RERE: variants seen among roughly 807,000 people sequenced by gnomAD.
The protein encoded by RERE is arginine-glutamic acid dipeptide repeats protein.
A neutral mutation model predicts 146.1 loss-of-function variants in RERE; 40 were observed. The observed-to-expected ratio is 0.27, with a 90% CI of 0.21 to 0.36. The LOEUF (loss-of-function observed/expected upper bound fraction) is 0.36, where lower values mean the gene tolerates loss of function less well. Ranked by LOEUF, RERE falls within the 10% of genes least tolerant of loss-of-function variation. RERE has a pLI of 1.00. For missense variants in RERE, 1,933 were observed against 2,138.7 expected (o/e 0.90, Z 1.90); for synonymous variants, 1,003 against 866.0 (o/e 1.16, Z -2.78).
chr1:8,773,881 ACAGT>A (rs1329707610), intron 1 of RERE, among the ~76,000 whole-genome samples: 1 of 152,236 alleles, frequency 6.6e-6, no homozygotes, highest in East Asian at 1.9e-4. Flanking sequence ...GACATCAATG[ACAGT>A]CAAAGACAAT....
chr1:8,588,516 G>C (rs1646454695), intron 4 of RERE, among the ~76,000 whole-genome samples: 1 of 152,088 alleles, frequency 6.6e-6, no homozygotes, highest in Non-Finnish European at 1.5e-5. Flanking sequence ...ACTCTATGAG[G>C]AGTGACCCCC....
chr1:8,383,184 G>C (rs1642515711), intron 12 of RERE, among the ~76,000 whole-genome samples: 1 of 151,750 alleles, frequency 6.6e-6, no homozygotes, highest in East Asian at 1.9e-4. Context: ...ATAAGCGCTG[G>C]TCAAGGAGAA....
At chr1:8,480,143 GTTTT>G (rs375571417) in intron 10 of RERE, among the ~76,000 whole-genome samples, 1 of 105,426 alleles carries the variant, frequency 9.5e-6, no homozygotes, top group Non-Finnish European at 1.9e-5. Flanking sequence ...TTTTTTTTTT[GTTTT>G]TTTTTTTTTT....
At chr1:8,496,077 G>A (rs556416109) in intron 9 of RERE, among the ~76,000 whole-genome samples, 4 of 149,638 alleles carry the variant, frequency 2.7e-5, no homozygotes, top group African/African-American at 9.9e-5. Flanking sequence ...GTGGGAGGAT[G>A]ACTTGAGCCC....
At chr1:8,397,600 A>C (rs971099071) in intron 12 of RERE, among the ~76,000 whole-genome samples, 6 of 152,086 alleles carry the variant, frequency 3.9e-5, no homozygotes, top group African/African-American at 9.7e-5. Context: ...AAAAAAAAAA[A>C]AAACACATGA....
intron 11 of RERE, among the ~76,000 whole-genome samples, chr1:8,454,250 A>C (rs1298216919): frequency 6.6e-6 from 1 of 152,268 alleles, no homozygotes; most frequent in African/African-American, 2.4e-5. Context: ...CAGAACTTTC[A>C]GTAACAAAAG....
rs112226688 is a variant in RERE at position 8,806,258 on chromosome 1, G to A, written c.-145+10902C>T. On this transcript the variant is annotated intron_variant, in intron 1 of 22. Coordinates refer to ENST00000400908, the MANE Select transcript of RERE (RefSeq NM_001042681.2). ...TATCAATAATTTTTTGGCCAGGCAC[G>A]GTGGCTCACACCTATAATCCCCCAG... is the stretch of plus-strand genomic sequence containing the variant. 5.5e-4 allele frequency among the ~76,000 whole-genome samples: 84 copies of A among 152,162 alleles called. 1 individual carries two copies. The South Asian group carries it at 0.016, about 30-fold the overall frequency.
At chr1:8,618,454 A>G (rs1276270480) in intron 3 of RERE, among the ~76,000 whole-genome samples, 2 of 152,182 alleles carry the variant, frequency 1.3e-5, no homozygotes, top group Admixed American at 1.3e-4. Flanking sequence ...CAATCCCAGA[A>G]TAACAGATCC....
intron 1 of RERE, among the ~76,000 whole-genome samples, chr1:8,763,982 G>A (rs1307251835): frequency 6.6e-6 from 1 of 151,494 alleles, no homozygotes; most frequent in Non-Finnish European, 1.5e-5. Flanking sequence ...AGGAAGTGAA[G>A]GTGCTAGTTG....
intron 11 of RERE, among the ~76,000 whole-genome samples, chr1:8,426,328 C>A (rs779009481): frequency 2.5e-4 from 38 of 152,040 alleles, no homozygotes; most frequent in Non-Finnish European, 5.1e-4. Flanking sequence ...GTGGTGGGCG[C>A]CTGTAGTCCC....
At chr1:8,743,773 CT>C (rs138016016) in intron 1 of RERE, among the ~76,000 whole-genome samples, 19 of 152,158 alleles carry the variant, frequency 1.2e-4, no homozygotes, top group Non-Finnish European at 2.5e-4. Flanking sequence ...AAAATGTCAC[CT>C]TTCCCCAGTT....
intron 4 of RERE, among the ~76,000 whole-genome samples, chr1:8,560,898 T>G (rs778788114): frequency 6.6e-6 from 1 of 152,214 alleles, no homozygotes; most frequent in Non-Finnish European, 1.5e-5. Flanking sequence ...CCAGATCTAC[T>G]AGCACTCCTA....
chr1:8,756,134 A>C (rs976334083), intron 1 of RERE, among the ~76,000 whole-genome samples: 1 of 152,156 alleles, frequency 6.6e-6, no homozygotes, highest in Admixed American at 6.5e-5. Context: ...ATCTCCACTA[A>C]ACATTTTTAA....
intron 1 of RERE, among the ~76,000 whole-genome samples, chr1:8,816,634 C>G: frequency 6.6e-6 from 1 of 152,104 alleles, no homozygotes; most frequent in East Asian, 1.9e-4. Context: ...GAGAGCAGAA[C>G]TAAAACAGGA....
At chr1:8,596,999 C>T (rs938692813) in intron 4 of RERE, among the ~76,000 whole-genome samples, 6 of 151,316 alleles carry the variant, frequency 4.0e-5, no homozygotes, top group Middle Eastern at 6.8e-3. Context: ...GCCCAGGGCA[C>T]GAGCCAATAA....
In RERE at chr1:8,714,012, A is replaced by T. The variant is rs369888107; in HGVS notation, c.-144-57571T>A. Among the ~76,000 whole-genome samples the T allele has an allele frequency of 1.5e-4, 23 of 152,324 alleles. No individual in the cohort carries two copies. The East Asian group carries it at 2.1e-3, about 14-fold the overall frequency. On this transcript the variant is annotated intron_variant, in intron 1 of 22. Transcript: ENST00000400908. Reference sequence around the variant, plus strand: ...CACATAGCACATGAATTTAAAATTCATTTGGCTTTTAAAGGGTAGTGATTG... The same window carrying T: ...CACATAGCACATGAATTTAAAATTCTTTTGGCTTTTAAAGGGTAGTGATTG...
At chr1:8,749,813 CTA>C (rs1485960342) in intron 1 of RERE, among the ~76,000 whole-genome samples, 3 of 152,036 alleles carry the variant, frequency 2.0e-5, no homozygotes, top group African/African-American at 4.8e-5. Flanking sequence ...ACGAGGTGAT[CTA>C]TGTTTCTGAA....
At chr1:8,360,043 C>T in intron 18 of RERE, 57 bp from the exon 19 acceptor site, 1 of 1,593,236 alleles carries the variant, frequency 6.3e-7, no homozygotes, top group Non-Finnish European at 8.6e-7. Context: ...CCCGGCCCTC[C>T]CTCCCACCAG....
intron 4 of RERE, among the ~76,000 whole-genome samples, chr1:8,611,786 T>C (rs1570511627): frequency 1.3e-5 from 2 of 152,226 alleles, no homozygotes; most frequent in East Asian, 3.9e-4. Flanking sequence ...AGGTTGCACC[T>C]TTCCTGCTTT....
Sources: gnomAD v4.1 joint callset for allele counts (sites outside exome capture counted in the v4.1 genomes callset) on GRCh38, gnomAD v4.1.1 for gene constraint, MANE v1.5 for transcripts, NCBI Gene and HGNC (gene_info 2026-07-23, HGNC 2026-07-21) for gene names.